Variants in TRIP12 observed in about 807,000 individuals in gnomAD.
The protein encoded by TRIP12 is E3 ubiquitin-protein ligase TRIP12.
TRIP12 carries 25 observed loss-of-function variants against 244.2 expected under a neutral mutation model. The observed-to-expected ratio is 0.10, with a 90% confidence interval of 0.07 to 0.14. The LOEUF is 0.14. TRIP12 is among the 10% of genes least tolerant of loss of function. The pLI is 1.00. For synonymous variants in TRIP12, 905 were observed against 873.1 expected (o/e 1.04, Z -0.64); for missense variants, 1,677 against 2,486.4 (o/e 0.67, Z 6.92).
intron 1 of TRIP12, among the ~76,000 whole-genome samples, chr2:229,887,529 G>A (rs2066303746): frequency 6.6e-6 from 1 of 152,142 alleles, no homozygotes; most frequent in Non-Finnish European, 1.5e-5. Context: ...AGATCTAAGG[G>A]TAGATGAGGA....
At chr2:229,860,633 T>C (rs2154337226) in intron 2 of TRIP12, 102 bp from the exon 3 acceptor site, 1 of 1,107,096 alleles carries the variant, frequency 9.0e-7, no homozygotes, top group Non-Finnish European at 1.2e-6. Flanking sequence ...CTTCCCACAA[T>C]TCATTGTTGA....
intron 8 of TRIP12, among the ~76,000 whole-genome samples, chr2:229,819,645 A>C (rs1004307900): frequency 6.6e-6 from 1 of 152,222 alleles, no homozygotes; most frequent in African/African-American, 2.4e-5. Context: ...ATTAACACTT[A>C]ACCAATCTTA....
intron 18 of TRIP12, among the ~76,000 whole-genome samples, chr2:229,804,677 T>C (rs2045374608): frequency 6.6e-6 from 1 of 152,198 alleles, no homozygotes; most frequent in Admixed American, 6.5e-5. Context: ...AAAAGATAAC[T>C]GATAAGCAGT....
intron 8 of TRIP12, among the ~76,000 whole-genome samples, chr2:229,820,682 G>A (rs974932462): frequency 2.0e-5 from 3 of 152,132 alleles, no homozygotes; most frequent in African/African-American, 7.2e-5. Flanking sequence ...TCTGCCTTCT[G>A]GGTTCCAGCG....
intron 4 of TRIP12, among the ~76,000 whole-genome samples, chr2:229,854,256 C>T (rs2059232090): frequency 6.6e-6 from 1 of 152,110 alleles, no homozygotes; most frequent in Non-Finnish European, 1.5e-5. Flanking sequence ...TTATTTAGTT[C>T]CAACTTACAA....
intron 31 of TRIP12, among the ~76,000 whole-genome samples, chr2:229,789,408 T>C (rs1318474129): frequency 6.6e-6 from 1 of 152,192 alleles, no homozygotes; most frequent in Non-Finnish European, 1.5e-5. Context: ...AGAGAGAATT[T>C]TACAAATCTG....
At chr2:229,829,094 T>C in intron 8 of TRIP12, 99 bp downstream of exon 8, 1 of 1,074,198 alleles carries the variant, frequency 9.3e-7, no homozygotes, top group Non-Finnish European at 1.4e-6. Context: ...GGGTTAAAGT[T>C]GATGAAAAAC....
At chr2:229,771,078 T>C (rs1179779543) in intron 39 of TRIP12, among the ~76,000 whole-genome samples, 1 of 152,258 alleles carries the variant, frequency 6.6e-6, no homozygotes, top group Non-Finnish European at 1.5e-5. Context: ...GGCAATTAGA[T>C]AATTTATAAT....
At chr2:229,814,154 A>G in intron 12 of TRIP12, 79 bp downstream of exon 12, 2 of 1,543,174 alleles carry the variant, frequency 1.3e-6, no homozygotes, top group Non-Finnish European at 1.8e-6. Context: ...AAAAACTGCA[A>G]TCAAGTAGCC....
chr2:229,849,849 A>G (rs1235143406), intron 4 of TRIP12, among the ~76,000 whole-genome samples: 6 of 152,218 alleles, frequency 3.9e-5, no homozygotes. Context: ...AGAAGAAGAA[A>G]AAAAAGGTCT....
intron 1 of TRIP12, among the ~76,000 whole-genome samples, chr2:229,905,993 T>C (rs1362979793): frequency 1.3e-5 from 2 of 152,180 alleles, no homozygotes; most frequent in Admixed American, 6.5e-5. Flanking sequence ...ATAGTAACTG[T>C]TGAAGAACCA....
chr2:229,764,733 G>C lies in TRIP12; in HGVS notation c.*2821C>G, dbSNP rs1428190561. 1 of 152,230 alleles carries C rather than the reference G, an allele frequency of 6.6e-6. No homozygotes were observed. The highest frequency in any genetic ancestry group is 1.5e-5 in the Non-Finnish European group (1 of 68,052). The allele number at this position is 152,230 out of a possible 1,614,324, so 9.4% of individuals were successfully genotyped here. On this transcript the variant is annotated 3_prime_UTR_variant, in exon 42 of 42. Transcript: ENST00000675903. ...TTGGCCTTCTGTGGTAGGATGTATA[G>C]GATGCCCTAGGGAAGTCACTCCACA...
intron 4 of TRIP12, among the ~76,000 whole-genome samples, chr2:229,848,667 G>A (rs1418967907): frequency 3.3e-5 from 5 of 152,170 alleles, no homozygotes; most frequent in African/African-American, 1.2e-4. Context: ...AGTTTGCCTA[G>A]GACTATGCTG....
intron 8 of TRIP12, among the ~76,000 whole-genome samples, chr2:229,826,593 G>C (rs564280906): frequency 6.6e-6 from 1 of 152,142 alleles, no homozygotes; most frequent in South Asian, 2.1e-4. Context: ...ATGCTTTCTT[G>C]ACCTATTTTG....
intron 6 of TRIP12, chr2:229,831,123 A>AT (rs1250410885): frequency 1.4e-6 from 1 of 715,590 alleles, no homozygotes; most frequent in African/African-American, 1.8e-5. Flanking sequence ...CTGTTCTTTA[A>AT]TTAAGATGTC....
At chr2:229,779,017 T>C (rs1438518885) in intron 34 of TRIP12, 27 bp from the exon 35 acceptor site, 4 of 1,593,518 alleles carry the variant, frequency 2.5e-6, no homozygotes, top group Non-Finnish European at 3.4e-6. Context: ...GTAGAACGAT[T>C]TCAAATTTTA....
At chr2:229,855,292 C>A (rs1378833955) in intron 4 of TRIP12, among the ~76,000 whole-genome samples, 1 of 151,992 alleles carries the variant, frequency 6.6e-6, no homozygotes, top group African/African-American at 2.4e-5. Flanking sequence ...AAACAAAAAA[C>A]AACAACTTGC....
intron 15 of TRIP12, among the ~76,000 whole-genome samples, chr2:229,808,789 A>C (rs912415225): frequency 2.6e-5 from 4 of 152,236 alleles, no homozygotes; most frequent in Non-Finnish European, 2.9e-5. Context: ...TTAACAATTA[A>C]ATGTAACTGA....
At chr2:229,805,646 C>T in intron 18 of TRIP12, 84 bp downstream of exon 18, 1 of 1,301,900 alleles carries the variant, frequency 7.7e-7, no homozygotes, top group Non-Finnish European at 1.0e-6. Context: ...TAAAAAGATA[C>T]TTAATAAGCC....
Sources: allele counts gnomAD v4.1 joint callset (sites outside exome capture counted in the v4.1 genomes callset), GRCh38; gene constraint gnomAD v4.1.1; transcripts MANE v1.5; gene names NCBI Gene and HGNC (gene_info 2026-07-23, HGNC 2026-07-21).